The following CBR4 variants were observed in gnomAD, a reference collection of about 807,000 sequenced individuals.
CBR4 encodes 3-oxoacyl-[acyl-carrier-protein] reductase.
In CBR4, 22 loss-of-function variants were observed where a neutral mutation model predicts 21.0. The ratio of observed to expected loss-of-function variants is 1.05; its 90% CI spans 0.75 to 1.50. The LOEUF (loss-of-function observed/expected upper bound fraction) is 1.50. CBR4 is among the 40% of genes most tolerant of loss of function. The pLI is 0.00. For missense variants in CBR4, 302 were observed against 286.3 expected (o/e 1.05, Z -0.40); for synonymous variants, 100 against 104.4 (o/e 0.96, Z 0.26).
rs1762716549 is a variant in CBR4 at position 168,927,548 on chromosome 4, G to C, written n.170-32783C>G. On this transcript the variant is annotated intron_variant and non_coding_transcript_variant, in intron 2 of 3. Transcript: ENST00000509108. ...CCTGTAGCATCTAGTCTACTTGAAG[G>C]AAGTGGAGACATAAGGAGAGACAAA... 1.3e-5 allele frequency: 3 copies of C among 230,806 alleles called. No individual in the cohort carries two copies. The Admixed American group carries it at 1.7e-4, about 13-fold the overall frequency. 14.3% of individuals were successfully genotyped at this position (230,806 alleles called of 1,614,324 possible). A position where few individuals can be genotyped will look rare whatever the true frequency, so the allele number is the denominator to read the frequency against.
chr4:168,910,368 T>C (rs1758679293), intron 2 of CBR4, among the ~76,000 whole-genome samples: 1 of 152,088 alleles, frequency 6.6e-6, no homozygotes, highest in South Asian at 2.1e-4. Context: ...TGATTGTGCT[T>C]AGCACCTTTC....
intron 1 of CBR4, 29 bp from the exon 2 acceptor site, chr4:169,007,785 T>A: frequency 6.6e-7 from 1 of 1,523,156 alleles, no homozygotes. Context: ...TAAGAATTAC[T>A]TATAACTCAA....
At chr4:168,969,227 G>T (rs959054043) in intron 2 of CBR4, among the ~76,000 whole-genome samples, 2 of 152,198 alleles carry the variant, frequency 1.3e-5, no homozygotes, top group Non-Finnish European at 2.9e-5. Context: ...TACATTTGCT[G>T]TATTATTGCA....
At chr4:168,904,135 AG>A (rs1757126558) in intron 2 of CBR4, 1 of 531,222 alleles carries the variant, frequency 1.9e-6, no homozygotes, top group Admixed American at 3.1e-5. Context: ...AATATTATTA[AG>A]GGTCTAATAT....
At chr4:168,908,049 A>G (rs1249134745) in intron 2 of CBR4, among the ~76,000 whole-genome samples, 1 of 152,200 alleles carries the variant, frequency 6.6e-6, no homozygotes, top group East Asian at 1.9e-4. Flanking sequence ...GTGTAAATGT[A>G]TATATCCCAC....
At chr4:168,943,941 A>G (rs1482223158) in intron 2 of CBR4, among the ~76,000 whole-genome samples, 1 of 151,852 alleles carries the variant, frequency 6.6e-6, no homozygotes. Context: ...AAAAAACAAA[A>G]CGCCTCTGAT....
At chr4:168,991,394 G>A (rs1043551576) in intron 4 of CBR4, among the ~76,000 whole-genome samples, 1 of 152,190 alleles carries the variant, frequency 6.6e-6, no homozygotes, top group Non-Finnish European at 1.5e-5. Flanking sequence ...GTAGTGTCAA[G>A]GGAAGGAAGG....
chr4:168,940,375 C>T (rs1335529101), intron 2 of CBR4, among the ~76,000 whole-genome samples: 1 of 152,150 alleles, frequency 6.6e-6, no homozygotes, highest in African/African-American at 2.4e-5. Context: ...AGGACACAGG[C>T]ATGGGCAAAG....
At chr4:168,898,189 GC>G in intron 2 of CBR4, 1 of 421,834 alleles carries the variant, frequency 2.4e-6, no homozygotes, top group South Asian at 2.2e-5. Flanking sequence ...ACATAGCTTT[GC>G]TTTTGCCTTT....
chr4:168,926,081 T>G, intron 2 of CBR4: 1 of 694,394 alleles, frequency 1.4e-6, no homozygotes, highest in East Asian at 2.8e-5. Context: ...GTTCCTAAAT[T>G]TTCCATGTTT....
At chr4:168,924,163 T>G (rs934860569) in intron 2 of CBR4, 1 of 1,097,378 alleles carries the variant, frequency 9.1e-7, no homozygotes, top group Non-Finnish European at 1.4e-6. Flanking sequence ...TCATAAAAGA[T>G]CTATTCAAGC....
chr4:168,960,196 G>C (rs1055620592), intron 2 of CBR4, among the ~76,000 whole-genome samples: 1 of 152,198 alleles, frequency 6.6e-6, no homozygotes, highest in Non-Finnish European at 1.5e-5. Context: ...TCTGGTAAAA[G>C]AGGGTAATTT....
chr4:168,959,561 C>CTTTT (rs750848079), intron 2 of CBR4, among the ~76,000 whole-genome samples: 26 of 50,874 alleles, frequency 5.1e-4, no homozygotes, highest in African/African-American at 1.2e-3. Context: ...TTATCAATTT[C>CTTTT]TTTTTTTTTT....
intron 2 of CBR4, among the ~76,000 whole-genome samples, chr4:168,966,356 C>CAA (rs1215042926): frequency 2.4e-3 from 181 of 75,142 alleles, no homozygotes; most frequent in African/African-American, 3.6e-3. Context: ...ACTAAAAATA[C>CAA]AAAAAAAAAA....
At chr4:168,924,230 G>A (rs747238101) in intron 2 of CBR4, 1 of 1,602,602 alleles carries the variant, frequency 6.2e-7, no homozygotes, top group Non-Finnish European at 8.5e-7. Context: ...ATCATTGATA[G>A]AGAATTCATC....
chr4:168,916,066 C>G, intron 2 of CBR4: 2 of 1,588,968 alleles, frequency 1.3e-6, no homozygotes, highest in Non-Finnish European at 8.6e-7. Context: ...TATTGCCCCA[C>G]TTCTCCCTCA....
chr4:168,911,863 C>T (rs906110917), intron 2 of CBR4, among the ~76,000 whole-genome samples: 30 of 152,280 alleles, frequency 2.0e-4, no homozygotes, highest in Non-Finnish European at 3.5e-4. Flanking sequence ...ATAGCAAACA[C>T]CGTGAATGCC....
rs1764781486 is a variant in CBR4, at chr4:168,988,776, A to G, written c.*1374T>C. On this transcript the variant is annotated 3_prime_UTR_variant, in exon 5 of 5. Coordinates refer to ENST00000306193, the MANE Select transcript of CBR4 (RefSeq NM_032783.5). ...AAAACTATTTCAAAGATAAATTTAA[A>G]ATAATTTTTAAGGAACCCAGAATTT... 1 of 961,336 alleles carries G rather than the reference A, an allele frequency of 1.0e-6. No individual in the cohort carries two copies. The highest frequency in any genetic ancestry group is 1.2e-6 in the Non-Finnish European group (1 of 808,058). The allele number at this position is 961,336 out of a possible 1,614,324, so 59.6% of individuals were successfully genotyped here.
Position 168,998,834 on chromosome 4 carries a change from A to C in CBR4, c.535+3237T>G, listed in dbSNP as rs111918501. 9.6e-4 allele frequency among the ~76,000 whole-genome samples: 146 copies of C among 152,296 alleles called. 1 individual carries two copies. Among genetic ancestry groups the C allele is most frequent in the African/African-American group, 3.4e-3 (141 of 41,572 alleles). ...CATGATACAATTTGTGTTTTCTTAC[A>C]CTCATGCCCAGCATGCTTTATTGGC... On this transcript the variant is annotated intron_variant, in intron 4 of 4. Transcript: ENST00000306193.
Sources: gnomAD v4.1 joint callset for allele counts (sites outside exome capture counted in the v4.1 genomes callset) on GRCh38, gnomAD v4.1.1 for gene constraint, MANE v1.5 for transcripts, NCBI Gene and HGNC (gene_info 2026-07-23, HGNC 2026-07-21) for gene names.